CDH4: variants seen among roughly 807,000 people sequenced by gnomAD.
CDH4 encodes cadherin-4.
In CDH4, 33 loss-of-function variants were observed where a neutral mutation model predicts 86.0. The ratio of observed to expected loss-of-function variants is 0.38; its 90% confidence interval spans 0.29 to 0.51. The LOEUF is 0.51. Among genes scored for constraint, CDH4 ranks in the 20% least tolerant of loss-of-function variants. The pLI, the probability that CDH4 is intolerant of heterozygous loss-of-function variation, is 0.86. For synonymous variants in CDH4, 555 were observed against 549.4 expected, an observed-to-expected ratio of 1.01 and a Z score of -0.14; for missense variants, 1,114 against 1,307.4, an observed-to-expected ratio of 0.85 and a Z score of 2.28.
At chr20:61,840,932 C>T (rs1214232200) in intron 4 of CDH4, among the ~76,000 whole-genome samples, 1 of 152,230 alleles carries the variant, frequency 6.6e-6, no homozygotes, top group African/African-American at 2.4e-5. Context: ...ATGGCCAAAA[C>T]GTAATGAGCT....
chr20:61,303,617 C>T (rs973363492), intron 2 of CDH4, among the ~76,000 whole-genome samples: 2 of 152,244 alleles, frequency 1.3e-5, no homozygotes, highest in Admixed American at 6.5e-5. Flanking sequence ...TGTCTGCTCT[C>T]TCCGGTGCCA....
At chr20:61,725,483 C>T (rs1422870222) in intron 2 of CDH4, among the ~76,000 whole-genome samples, 1 of 152,204 alleles carries the variant, frequency 6.6e-6, no homozygotes, top group African/African-American at 2.4e-5. Context: ...CTTCCTGAAG[C>T]TCACCTAGGC....
chr20:61,855,406 G>A (rs1343450585), intron 6 of CDH4, among the ~76,000 whole-genome samples: 1 of 152,196 alleles, frequency 6.6e-6, no homozygotes, highest in Non-Finnish European at 1.5e-5. Context: ...TAAGGGGCAG[G>A]CAGGGGGTGA....
intron 2 of CDH4, among the ~76,000 whole-genome samples, chr20:61,697,012 G>C (rs1293842737): frequency 6.6e-6 from 1 of 152,190 alleles, no homozygotes; most frequent in Non-Finnish European, 1.5e-5. Flanking sequence ...CCAGGGGCTG[G>C]AAGAGGCTGG....
intron 2 of CDH4, among the ~76,000 whole-genome samples, chr20:61,658,117 C>T (rs867399764): frequency 2.6e-5 from 4 of 152,226 alleles, no homozygotes; most frequent in South Asian, 2.1e-4. Flanking sequence ...GATCTGGCTG[C>T]GCTGTTGGCT....
At chr20:61,532,789 G>C (rs1297769129) in intron 2 of CDH4, among the ~76,000 whole-genome samples, 4 of 152,142 alleles carry the variant, frequency 2.6e-5, no homozygotes. Context: ...GGTATGAAAG[G>C]CATGTGATGA....
At chr20:61,421,326 A>G (rs932199771) in intron 2 of CDH4, among the ~76,000 whole-genome samples, 14 of 152,358 alleles carry the variant, frequency 9.2e-5, no homozygotes, top group African/African-American at 2.9e-4. Flanking sequence ...ATTCCATAAC[A>G]GGAGGAGATG....
Position 61,565,222 on chromosome 20 carries a change from A to ATGGGGTGAT in CDH4, c.170-178341_170-178340insTGGGGTGAT, listed in dbSNP as rs2086268508. Among the ~76,000 whole-genome samples the ATGGGGTGAT allele has an allele frequency of 2.8e-4, 3 of 10,708 alleles. 1 individual carries two copies. Among genetic ancestry groups the ATGGGGTGAT allele is most frequent in the Non-Finnish European group, 4.7e-4 (3 of 6,388 alleles). The allele number at this position is 10,708 out of a possible 152,430, so 7.0% of individuals were successfully genotyped here. On this transcript the variant is annotated intron_variant, in intron 2 of 15. Coordinates refer to ENST00000614565, the MANE Select transcript of CDH4 (RefSeq NM_001794.5). ...TGGTGGTCGCGGTGCTCTCGGTGGT[A>ATGGGGTGAT]GGTGGTGGTGGTGGTGGTGGCGGTG...
chr20:61,482,029 G>A (rs2085571127), intron 2 of CDH4, among the ~76,000 whole-genome samples: 1 of 152,166 alleles, frequency 6.6e-6, no homozygotes, highest in East Asian at 1.9e-4. Flanking sequence ...CAAAAGGTCT[G>A]CAGCTTCATT....
In CDH4 at chr20:61,836,273, C is replaced by T. The variant is rs1981874290; in HGVS notation, c.577-8395C>T. Among the ~76,000 whole-genome samples the T allele has an allele frequency of 2.0e-5, 3 of 152,228 alleles. No homozygotes were observed. The South Asian group carries it at 6.2e-4, about 32-fold the overall frequency. On this transcript the variant is annotated intron_variant, in intron 4 of 15. Coordinates refer to ENST00000614565, the MANE Select transcript of CDH4 (RefSeq NM_001794.5). ...TTTCCAGAAGAGCCGGGAGAGTCTC[C>T]TGCAATCCCATGCCAAAAATTCAGG...
chr20:61,339,354 C>A (rs985854835), intron 2 of CDH4, among the ~76,000 whole-genome samples: 2 of 150,516 alleles, frequency 1.3e-5, no homozygotes, highest in African/African-American at 4.8e-5. Context: ...GGTGATACTT[C>A]GACTAGAATG....
chr20:61,490,443 G>A (rs1312810599), intron 2 of CDH4, among the ~76,000 whole-genome samples: 2 of 152,226 alleles, frequency 1.3e-5, no homozygotes, highest in Non-Finnish European at 2.9e-5. Flanking sequence ...GCTCATGCCT[G>A]TAATGCCAGC....
rs1235541978 is a variant in CDH4 at position 61,937,195 on chromosome 20, T to A, written c.*252T>A. On this transcript the variant is annotated 3_prime_UTR_variant, in exon 16 of 16. Transcript: ENST00000614565. ...GAGGCACTCTGTCTTCACTTGAATT[T>A]CCTAGAACAGAAGCACTGTTTTTAA... 1 of 282,148 alleles carries A rather than the reference T, an allele frequency of 3.5e-6. No homozygotes were observed. The highest frequency in any genetic ancestry group is 6.4e-6 in the Non-Finnish European group (1 of 156,140). The allele number at this position is 282,148 out of a possible 1,614,324, so 17.5% of individuals were successfully genotyped here.
chr20:61,514,661 G>A (rs1264464099), intron 2 of CDH4, among the ~76,000 whole-genome samples: 1 of 152,178 alleles, frequency 6.6e-6, no homozygotes, highest in Non-Finnish European at 1.5e-5. Flanking sequence ...CTTGTCAAAG[G>A]GCCATAGGCA....
chr20:61,477,786 C>A (rs556765671), intron 2 of CDH4, among the ~76,000 whole-genome samples: 1 of 152,288 alleles, frequency 6.6e-6, no homozygotes, highest in East Asian at 1.9e-4. Flanking sequence ...GCTCATGTGT[C>A]TTTCCCCGAG....
At chr20:61,680,293 G>A (rs936984998) in intron 2 of CDH4, among the ~76,000 whole-genome samples, 7 of 152,190 alleles carry the variant, frequency 4.6e-5, no homozygotes, top group Admixed American at 1.3e-4. Flanking sequence ...GGACTAAGAC[G>A]GGGAAGAAGC....
rs562983558 is a variant in CDH4 at position 61,280,797 on chromosome 20, C to T, written c.169+25860C>T. On this transcript the variant is annotated intron_variant, in intron 2 of 15. Transcript: ENST00000614565. ...GTGAAGCGCCGGCCACAGCGGCCTC[C>T]CTGGTGGGGGGTTTCGATGCTCTTG... 2.0e-5 allele frequency among the ~76,000 whole-genome samples: 3 copies of T among 152,268 alleles called. No homozygotes were observed. In the East Asian group the frequency reaches 5.8e-4, roughly 29 times the overall value.
At chr20:61,389,851 C>T (rs6061284) in intron 2 of CDH4, among the ~76,000 whole-genome samples, 3,484 of 152,126 alleles carry the variant, frequency 0.023, 100 homozygotes, top group African/African-American at 0.072. Flanking sequence ...ATAGGGTGCC[C>T]ATAGTGCCGT....
In CDH4 at chr20:61,518,655, CTTCCATCT is replaced by C. The variant is rs2085843776; in HGVS notation, c.170-224907_170-224900del. Among the ~76,000 whole-genome samples, 1 of 151,940 alleles carries C rather than the reference CTTCCATCT, an allele frequency of 6.6e-6. No individual in the cohort carries two copies. The highest frequency in any genetic ancestry group is 1.5e-5 in the Non-Finnish European group (1 of 67,988). On this transcript the variant is annotated intron_variant, in intron 2 of 15. Coordinates refer to ENST00000614565, the MANE Select transcript of CDH4 (RefSeq NM_001794.5). This position sits in a 1 kb window ranked among gnomAD's most constrained non-coding sequence, Gnocchi z 6.3. Reference sequence around the variant, plus strand: ...CTAACCATTTATCCATCCATTCATCCTTCCATCTATCATCCTTTATTCATCCATCCTTC... The same window carrying C: ...CTAACCATTTATCCATCCATTCATCCATCATCCTTTATTCATCCATCCTTC...
Sources: allele counts gnomAD v4.1 joint callset (sites outside exome capture counted in the v4.1 genomes callset), GRCh38; gene constraint gnomAD v4.1.1; non-coding constraint Gnocchi (gnomAD v3.1); transcripts MANE v1.5; gene names NCBI Gene and HGNC (gene_info 2026-07-23, HGNC 2026-07-21).